PALM2AKAP2: variants seen among roughly 807,000 people sequenced by gnomAD.
PALM2AKAP2 encodes PALM2-AKAP2 fusion protein.
A neutral mutation model predicts 71.5 loss-of-function variants in PALM2AKAP2; 37 were observed. That is an observed-to-expected ratio of 0.52 (90% confidence interval 0.40 to 0.68). The LOEUF (loss-of-function observed/expected upper bound fraction) is 0.68, where lower values mean the gene tolerates loss of function less well. Ranked by LOEUF, PALM2AKAP2 falls within the 30% of genes least tolerant of loss-of-function variation. The pLI, the probability that PALM2AKAP2 is intolerant of heterozygous loss-of-function variation, is 0.00. For synonymous variants in PALM2AKAP2, 468 were observed against 478.8 expected, an observed-to-expected ratio of 0.98 and a Z score of 0.29; for missense variants, 1,224 against 1,191.8, an observed-to-expected ratio of 1.03 and a Z score of -0.40.
intron 7 of PALM2AKAP2, chr9:110,025,396 AG>A: frequency 1.3e-6 from 1 of 781,904 alleles, no homozygotes; most frequent in Non-Finnish European, 2.2e-6. Flanking sequence ...TCCGCCCGAA[AG>A]GCTTTTTTTT....
chr9:110,048,570 A>AGGGGGGGGGG (rs200960294), upstream of PALM2AKAP2: 1 of 699,646 alleles, frequency 1.4e-6, no homozygotes, highest in Non-Finnish European at 1.9e-6. Flanking sequence ...AGGGGAGGGG[A>AGGGGGGGGGG]GGGAGGGGCG....
At chr9:110,076,586 T>C (rs748421625) in intron 1 of PALM2AKAP2, among the ~76,000 whole-genome samples, 2 of 149,504 alleles carry the variant, frequency 1.3e-5, no homozygotes, top group African/African-American at 2.5e-5. Context: ...AGTTGCCAAA[T>C]GAAACTTCAT....
intron 1 of PALM2AKAP2, among the ~76,000 whole-genome samples, chr9:109,727,154 C>T (rs533062036): frequency 6.6e-6 from 1 of 152,294 alleles, no homozygotes; most frequent in South Asian, 2.1e-4. Context: ...TGTTTTCTTG[C>T]TCTCTGCCTC....
At chr9:109,847,517 A>G (rs942000230) in intron 1 of PALM2AKAP2, 11 of 152,348 alleles carry the variant, frequency 7.2e-5, no homozygotes, top group East Asian at 1.9e-4. Flanking sequence ...CAAGGTGGGC[A>G]GATCACAATG....
chr9:110,011,012 A>ATATATATATATATAT (rs59242587), intron 6 of PALM2AKAP2, among the ~76,000 whole-genome samples: 267 of 90,228 alleles, frequency 3.0e-3, no homozygotes, highest in African/African-American at 6.9e-3. Flanking sequence ...AAAAAAAAAA[A>ATATATATATATATAT]AAATATATAT....
At chr9:109,795,583 G>A (rs1422964131) in intron 1 of PALM2AKAP2, among the ~76,000 whole-genome samples, 4 of 152,328 alleles carry the variant, frequency 2.6e-5, no homozygotes, top group South Asian at 2.1e-4. Context: ...CTATAGTGCC[G>A]CCGTGGGAAG....
At chr9:110,084,289 A>G (rs1834510857) in intron 1 of PALM2AKAP2, among the ~76,000 whole-genome samples, 1 of 152,236 alleles carries the variant, frequency 6.6e-6, no homozygotes, top group South Asian at 2.1e-4. Flanking sequence ...ATGTTATTAT[A>G]ATACTGATCT....
chr9:110,005,565 A>G (rs4498624), intron 6 of PALM2AKAP2, among the ~76,000 whole-genome samples: 45,624 of 152,122 alleles, frequency 0.3, 8,491 homozygotes, highest in Non-Finnish European at 0.43. Context: ...TCAGACAGGG[A>G]CATTTAAGTC....
chr9:110,024,133 A>G (rs1371835157), intron 7 of PALM2AKAP2, among the ~76,000 whole-genome samples: 1 of 152,176 alleles, frequency 6.6e-6, no homozygotes, highest in Non-Finnish European at 1.5e-5. Context: ...TTTGCATGCC[A>G]TATGGTTCCC....
intron 1 of PALM2AKAP2, among the ~76,000 whole-genome samples, chr9:109,745,730 C>T (rs1322344786): frequency 6.6e-6 from 1 of 152,154 alleles, no homozygotes; most frequent in Non-Finnish European, 1.5e-5. Flanking sequence ...TGGAGTCTTT[C>T]CTCACATGAG....
In PALM2AKAP2 at chr9:110,140,812, A is replaced by G. The variant is rs530599928; in HGVS notation, c.2569+2273A>G. On this transcript the variant is annotated intron_variant, in intron 2 of 3. Coordinates refer to ENST00000374525, the Ensembl canonical transcript of PALM2AKAP2. Reference sequence around the variant, plus strand: ...CCCTCCTTACCCTCCCTGGGCTCCAACACTACAGCAGGTACCATCTTATTC... The same window carrying G: ...CCCTCCTTACCCTCCCTGGGCTCCAGCACTACAGCAGGTACCATCTTATTC... 5.3e-5 allele frequency among the ~76,000 whole-genome samples: 8 copies of G among 152,198 alleles called. No individual in the cohort carries two copies. In the East Asian group the frequency reaches 5.8e-4, roughly 11 times the overall value.
In PALM2AKAP2 at chr9:109,768,204, GA is replaced by G. The variant is rs560773080; in HGVS notation, c.6-12278del. ...AGGGAGTAAAGCAGGCAGGCAGGGA[GA>G]AAAAAGGAAGGAAGGAAAGAAGGAA... On this transcript the variant is annotated intron_variant, in intron 1 of 6. Coordinates refer to the PALM2AKAP2 transcript ENST00000374531. Among the ~76,000 whole-genome samples, 148 of 151,656 alleles carry G rather than the reference GA, an allele frequency of 9.8e-4. 1 individual carries two copies. Among genetic ancestry groups the G allele is most frequent in the African/African-American group, 3.5e-3 (143 of 41,356 alleles).
At chr9:110,163,235 G>A (rs750101094) in intron 3 of PALM2AKAP2, among the ~76,000 whole-genome samples, 1 of 151,552 alleles carries the variant, frequency 6.6e-6, no homozygotes, top group Non-Finnish European at 1.5e-5. Flanking sequence ...AGAATCATTC[G>A]TTCATTCATT....
chr9:109,740,978 A>AT, intron 1 of PALM2AKAP2, among the ~76,000 whole-genome samples: 1 of 152,130 alleles, frequency 6.6e-6, no homozygotes, highest in Non-Finnish European at 1.5e-5. Flanking sequence ...AAAAAACTAG[A>AT]TTTTTTAAAT....
chr9:109,865,096 CTTTTTTTTT>C (rs58922983), intron 1 of PALM2AKAP2, among the ~76,000 whole-genome samples: 6 of 75,640 alleles, frequency 7.9e-5, no homozygotes, highest in African/African-American at 1.1e-4. Context: ...CTACTCATTC[CTTTTTTTTT>C]TTTTTTTTTT....
intron 1 of PALM2AKAP2, among the ~76,000 whole-genome samples, chr9:110,071,417 A>G (rs963776008): frequency 1.3e-5 from 2 of 152,148 alleles, no homozygotes; most frequent in African/African-American, 4.8e-5. Context: ...ACTTTTTTAC[A>G]TTGGTAAAGA....
At chr9:109,718,746 A>C (rs1828364648) in intron 1 of PALM2AKAP2, among the ~76,000 whole-genome samples, 2 of 152,242 alleles carry the variant, frequency 1.3e-5, no homozygotes, top group South Asian at 4.1e-4. Flanking sequence ...GTGCTTCTAA[A>C]TGCCCAGGCT....
chr9:110,138,456 G>A (rs1265276905), exon 2 of PALM2AKAP2: 1 of 1,614,242 alleles, frequency 6.2e-7, no homozygotes, highest in Non-Finnish European at 8.5e-7. Context: ...AAGAGGCAGA[G>A]ACAAGTCTTG....
intron 7 of PALM2AKAP2, among the ~76,000 whole-genome samples, chr9:110,026,378 G>A (rs1833182665): frequency 1.3e-5 from 2 of 151,934 alleles, no homozygotes; most frequent in African/African-American, 4.8e-5. Context: ...CACACCCAGC[G>A]ATTATCTCTC....
Sources: gnomAD v4.1 joint callset for allele counts (sites outside exome capture counted in the v4.1 genomes callset) on GRCh38, gnomAD v4.1.1 for gene constraint, MANE v1.5 for transcripts, NCBI Gene and HGNC (gene_info 2026-07-23, HGNC 2026-07-21) for gene names.